Variants in INSR observed in about 807,000 individuals in gnomAD.
INSR encodes the protein IR.
Under a neutral mutation model 142.6 loss-of-function variants are expected in INSR, and 67 were observed. The ratio of observed to expected loss-of-function variants is 0.47; its 90% confidence interval spans 0.39 to 0.58. The LOEUF (loss-of-function observed/expected upper bound fraction) is 0.58, where lower values mean the gene tolerates loss of function less well. Ranked by LOEUF, INSR falls within the 20% of genes least tolerant of loss-of-function variation. The pLI is 0.00. For missense variants in INSR, 1,248 were observed against 1,833.2 expected, an observed-to-expected ratio of 0.68 and a Z score of 5.83; for synonymous variants, 756 against 743.1, an observed-to-expected ratio of 1.02 and a Z score of -0.28.
Position 7,120,694 on chromosome 19 carries a change from C to G in INSR, c.3585G>C (p.Lys1195Asn). 1 of 1,613,998 alleles carries G rather than the reference C, an allele frequency of 6.2e-7. No homozygotes were observed. The highest frequency in any genetic ancestry group is 8.5e-7 in the Non-Finnish European group (1 of 1,179,856). ...YETDYYRKGG[K>N]GLLPVRWMAP... ...CCATCCACCGTACAGGGAGCAGACCCTTGCCCCCTTTCCGGTAGTAATCCG... is the reference window on the plus strand; with the variant it reads ...CCATCCACCGTACAGGGAGCAGACCGTTGCCCCCTTTCCGGTAGTAATCCG... Residue 1195 changes from lysine to asparagine, a missense_variant, in exon 20 of 22, where the codon AAG (lysine) becomes AAC (asparagine). Transcript: ENST00000302850.
At chr19:7,187,053 A>G (rs1974451156) in intron 2 of INSR, among the ~76,000 whole-genome samples, 2 of 151,380 alleles carry the variant, frequency 1.3e-5, no homozygotes, top group East Asian at 2.0e-4. Context: ...GGAACCTCAT[A>G]TAAGTGGAAT....
rs1599931240 is a variant in INSR at position 7,163,470 on chromosome 19, G to A, written c.1862-271C>T. On this transcript the variant is annotated intron_variant, in intron 8 of 21. Coordinates refer to ENST00000302850, the MANE Select transcript of INSR (RefSeq NM_000208.4). ...AGCTACTTGGGAGGCTGAGGCAGGAGAATGGCGTGAACCTGGGAGGCGGAG... is the reference window on the plus strand; with the variant it reads ...AGCTACTTGGGAGGCTGAGGCAGGAAAATGGCGTGAACCTGGGAGGCGGAG... 2.0e-5 allele frequency among the ~76,000 whole-genome samples: 3 copies of A among 151,980 alleles called. No individual in the cohort carries two copies. The South Asian group carries it at 6.2e-4, about 31-fold the overall frequency.
At chr19:7,201,664 A>ATTTTTTT (rs1568483469) in intron 2 of INSR, among the ~76,000 whole-genome samples, 2 of 102,116 alleles carry the variant, frequency 2.0e-5, no homozygotes, top group Admixed American at 9.5e-5. Flanking sequence ...ATCTATTTTC[A>ATTTTTTT]TTCTTTTTTT....
chr19:7,121,198 C>T (rs966006568), intron 19 of INSR, among the ~76,000 whole-genome samples: 4 of 151,976 alleles, frequency 2.6e-5, no homozygotes, highest in Non-Finnish European at 5.9e-5. Flanking sequence ...AGGGTTTCAC[C>T]GTGTTGACCA....
intron 6 of INSR, among the ~76,000 whole-genome samples, chr19:7,169,489 T>C (rs1973962561): frequency 6.7e-6 from 1 of 149,508 alleles, no homozygotes; most frequent in South Asian, 2.1e-4. Flanking sequence ...GGCGAGATAA[T>C]TACCTGAACC....
chr19:7,117,556 GGC>G, intron 21 of INSR, 146 bp from the exon 22 acceptor site: 1 of 628,200 alleles, frequency 1.6e-6, no homozygotes, highest in South Asian at 2.0e-5. Context: ...CAATTGTCAA[GGC>G]AGAAATAGCA....
intron 2 of INSR, among the ~76,000 whole-genome samples, chr19:7,190,977 CAT>C (rs1974566910): frequency 1.3e-5 from 2 of 152,088 alleles, no homozygotes; most frequent in Admixed American, 6.6e-5. Context: ...AAATATGTAA[CAT>C]ATACAATTAT....
chr19:7,129,301 C>T (rs1332118510), intron 14 of INSR, among the ~76,000 whole-genome samples: 1 of 152,094 alleles, frequency 6.6e-6, no homozygotes, highest in Non-Finnish European at 1.5e-5. Flanking sequence ...CTCTGAAATG[C>T]TTATTCATTT....
chr19:7,151,162 C>CTTTCTCTTTCTTTCTTTCTT (rs1359040007), intron 10 of INSR, among the ~76,000 whole-genome samples: 15 of 45,890 alleles, frequency 3.3e-4, no homozygotes, highest in African/African-American at 7.0e-4. Flanking sequence ...TTCTTTCTTT[C>CTTTCTCTTTCTTTCTTTCTT]TCTTTCTTTC....
At chr19:7,287,308 C>A (rs189405508) in intron 1 of INSR, among the ~76,000 whole-genome samples, 1 of 151,876 alleles carries the variant, frequency 6.6e-6, no homozygotes, top group South Asian at 2.1e-4. Context: ...TACAGGCATG[C>A]GCCACCACGC....
intron 9 of INSR, among the ~76,000 whole-genome samples, chr19:7,153,370 C>CACACCCCACACACCACACACACCAA (rs1973488570): frequency 1.4e-5 from 1 of 69,406 alleles, no homozygotes; most frequent in African/African-American, 4.3e-5. Flanking sequence ...ACACACCCCA[C>CACACCCCACACACCACACACACCAA]ACACACCATA....
At chr19:7,131,833 T>C (rs370456030) in intron 14 of INSR, among the ~76,000 whole-genome samples, 10 of 150,818 alleles carry the variant, frequency 6.6e-5, no homozygotes, top group Admixed American at 1.3e-4. Context: ...ATGCCATCTC[T>C]ACTAAAAATA....
At chr19:7,258,701 T>A (rs974561056) in intron 2 of INSR, among the ~76,000 whole-genome samples, 5 of 149,012 alleles carry the variant, frequency 3.4e-5, no homozygotes, top group Admixed American at 6.7e-5. Flanking sequence ...CAGTAAACAC[T>A]AGCTATTGAT....
chr19:7,132,673 C>A (rs113987427), intron 13 of INSR, among the ~76,000 whole-genome samples: 21,057 of 151,338 alleles, frequency 0.14, 1,610 homozygotes, highest in African/African-American at 0.18. Flanking sequence ...CTCACTGCAA[C>A]CTCTGCCTCC....
chr19:7,170,674 G>C lies in INSR; in HGVS notation c.1346C>G (p.Thr449Ser). The change falls in exon 6 of 22, where the codon ACT becomes AGT. Residue 449 changes from threonine to serine, a missense_variant. By Grantham distance (58) the Thr-to-Ser change is moderately conservative. This residue lies in a region of INSR where 1,069 missense variants were observed against 1,654.0 expected (regional missense o/e 0.65). Transcript: ENST00000302850. ...WDWSKHNLTI[T>S]QGKLFFHYNP... Reference sequence around the variant, plus strand: ...ATAGTGGAAGAAGAGTTTCCCCTGAGTGATGGTGAGGTTGTGTTTGCTCCA... The same window carrying C: ...ATAGTGGAAGAAGAGTTTCCCCTGACTGATGGTGAGGTTGTGTTTGCTCCA... The C allele has an allele frequency of 6.2e-7, 1 of 1,614,022 alleles. No individual in the cohort carries two copies. Among genetic ancestry groups the C allele is most frequent in the South Asian group, 1.1e-5 (1 of 91,074 alleles).
In INSR at chr19:7,119,660, A is replaced by T; in HGVS notation, c.3660-77T>A. The stretch of plus-strand genomic sequence containing the variant: ...CACACGCGCGCGCGCAAACACACAC[A>T]CGCAAACGCACACACACACGCAAAC... On this transcript the variant is annotated intron_variant, in intron 20 of 21. Transcript: ENST00000302850. The surrounding 1 kb of genome is among the most constrained non-coding windows in gnomAD (Gnocchi z 5.2). 6.7e-7 allele frequency: 1 copy of T among 1,500,038 alleles called. No individual in the cohort carries two copies. Among genetic ancestry groups the T allele is most frequent in the South Asian group, 1.1e-5 (1 of 88,382 alleles). The allele number at this position is 1,500,038 out of a possible 1,614,324, so 92.9% of individuals were successfully genotyped here.
At chr19:7,199,743 C>T (rs991455565) in intron 2 of INSR, among the ~76,000 whole-genome samples, 1 of 151,090 alleles carries the variant, frequency 6.6e-6, no homozygotes, top group Non-Finnish European at 1.5e-5. Flanking sequence ...TGTTCCCTAC[C>T]TCGACCCACC....
chr19:7,274,968 G>C (rs1968022430), intron 1 of INSR, among the ~76,000 whole-genome samples: 1 of 145,434 alleles, frequency 6.9e-6, no homozygotes, highest in Non-Finnish European at 1.5e-5. Context: ...GGTGGTGTTA[G>C]ACAGCACTTT....
At chr19:7,169,644 C>T (rs1973968939) in intron 6 of INSR, among the ~76,000 whole-genome samples, 1 of 148,822 alleles carries the variant, frequency 6.7e-6, no homozygotes, top group Non-Finnish European at 1.5e-5. Context: ...ACCCTCAATA[C>T]ATTTTCTGCA....
Sources: gnomAD v4.1 joint callset for allele counts (sites outside exome capture counted in the v4.1 genomes callset) on GRCh38, gnomAD v4.1.1 for gene constraint, gnomAD v4.1.1 regional missense constraint, Gnocchi (gnomAD v3.1) non-coding constraint, MANE v1.5 for transcripts, NCBI Gene and HGNC (gene_info 2026-07-23, HGNC 2026-07-21) for gene names.